Variants in H2BC12 observed in about 807,000 individuals in gnomAD.
H2BC12 encodes the protein histone H2B type 1-K.
In H2BC12, 6 loss-of-function variants were observed where a neutral mutation model predicts 6.3. The observed-to-expected ratio is 0.95, with a 90% CI of 0.52 to 1.87. The LOEUF (loss-of-function observed/expected upper bound fraction) is 1.87, where lower values mean the gene tolerates loss of function less well. Among genes scored for constraint, H2BC12 ranks in the 40% most tolerant of loss-of-function variants. The probability of loss-of-function intolerance (pLI) is 0.01; values close to 1 mark genes in which losing one functional copy is unlikely to be tolerated. For synonymous variants in H2BC12, 132 were observed against 78.5 expected (o/e 1.68, Z -3.60); for missense variants, 119 against 178.4 (o/e 0.67, Z 1.90).
At chr6:27,144,121 G>A (rs1411299621), downstream of H2BC12, among the ~76,000 whole-genome samples, 1 of 152,214 alleles carries the variant, frequency 6.6e-6, no homozygotes, top group South Asian at 2.1e-4. Flanking sequence ...TTAGCTATTT[G>A]TAAAATAACA....
At chr6:27,141,320 C>A in the H2BC12 span, among the ~76,000 whole-genome samples, 1 of 152,102 alleles carries the variant, frequency 6.6e-6, no homozygotes, top group South Asian at 2.1e-4. Flanking sequence ...AAGTGCTTTA[C>A]ATGGATTATC....
downstream of H2BC12, among the ~76,000 whole-genome samples, chr6:27,145,495 A>G (rs1760062747): frequency 6.6e-6 from 1 of 152,150 alleles, no homozygotes; most frequent in African/African-American, 2.4e-5. Flanking sequence ...CTAATCACAC[A>G]ATAAAACCCA....
chr6:27,146,553 CG>C lies in H2BC12; in HGVS notation c.245del (p.Ala82GlyfsTer50). The C allele has an allele frequency of 6.2e-7, 1 of 1,614,210 alleles. No homozygotes were observed. The highest frequency in any genetic ancestry group is 8.5e-7 in the Non-Finnish European group (1 of 1,180,042). On this transcript the variant is annotated frameshift_variant, in exon 1 of 1. Transcript: ENST00000356950. LOFTEE classifies it high-confidence loss of function. ...TGATGGTCGAGCGCTTGTTGTAATG[CG>C]CCAGGCGGGAAGCCTCACCCGCGAT... ...ERIAGEASRLAHYNKRSTITS... is the reference protein window; with the variant it reads ...ERIAGEASRLXHYNKRSTITS...
chr6:27,145,307 CACA>C (rs1221229479), downstream of H2BC12, among the ~76,000 whole-genome samples: 1 of 143,788 alleles, frequency 7.0e-6, no homozygotes, highest in Admixed American at 6.8e-5. Context: ...CACACACACA[CACA>C]CACACACACA....
the H2BC12 span, chr6:27,138,494 A>G: frequency 2.6e-5 from 4 of 152,222 alleles, no homozygotes; most frequent in Non-Finnish European, 4.4e-5. Context: ...ATTAACTTGT[A>G]AATGATTCTC....
downstream of H2BC12, chr6:27,146,322 G>T: frequency 1.9e-6 from 3 of 1,572,752 alleles, no homozygotes; most frequent in Non-Finnish European, 2.6e-6. Flanking sequence ...TTTAAGCCTG[G>T]ATTAGGAACA....
At chr6:27,142,634 TC>T (rs1283506724), downstream of H2BC12, among the ~76,000 whole-genome samples, 2 of 111,696 alleles carry the variant, frequency 1.8e-5, no homozygotes, top group African/African-American at 8.9e-5. Context: ...ATTCCCCCCC[TC>T]CTTTTTTTTT....
chr6:27,145,295 T>TACACACACACACAC (rs57882884), downstream of H2BC12, among the ~76,000 whole-genome samples: 227 of 142,716 alleles, frequency 1.6e-3, no homozygotes, highest in African/African-American at 4.9e-3. Flanking sequence ...ATATGTTAAA[T>TACACACACACACAC]ACACACACAC....
downstream of H2BC12, among the ~76,000 whole-genome samples, chr6:27,143,994 C>A (rs991893201): frequency 6.6e-6 from 1 of 151,710 alleles, no homozygotes. Context: ...AATTAATACA[C>A]GTGGCTAATG....
the H2BC12 span, among the ~76,000 whole-genome samples, chr6:27,140,569 G>A: frequency 6.6e-6 from 1 of 151,536 alleles, no homozygotes; most frequent in South Asian, 2.1e-4. Flanking sequence ...GCATTTTCTG[G>A]TTACATGGAA....
rs550725747 is a variant in H2BC12 at position 27,146,410 on chromosome 6, T to C, written c.*8A>G. On this transcript the variant is annotated 3_prime_UTR_variant, in exon 1 of 1. Coordinates refer to ENST00000356950, the MANE Select transcript of H2BC12 (RefSeq NM_001312653.2). The stretch of plus-strand genomic sequence containing the variant: ...GGGGTTGGGCTTTAAGACGCTTACT[T>C]GGCAAGTTTACTTAGCGCTGGTGTA... 1 of 1,614,256 alleles carries C rather than the reference T, an allele frequency of 6.2e-7. No individual in the cohort carries two copies. Among genetic ancestry groups the C allele is most frequent in the Admixed American group, 1.7e-5 (1 of 60,028 alleles).
chr6:27,144,460 TGGGGG>T (rs59570458), downstream of H2BC12, among the ~76,000 whole-genome samples: 11 of 17,620 alleles, frequency 6.2e-4, 1 homozygote, highest in African/African-American at 3.6e-3. Flanking sequence ...AGACTCTGTC[TGGGGG>T]GGGGGGGGGG....
downstream of H2BC12, among the ~76,000 whole-genome samples, chr6:27,144,299 T>C (rs144191555): frequency 0.025 from 3,744 of 151,044 alleles, 66 homozygotes; most frequent in Middle Eastern, 0.037. Context: ...CCATCTCTAC[T>C]AAAAATACAA....
rs763532739 is a variant in H2BC12, at chr6:27,146,541, C to T, written c.258G>A (p.Lys86=). 2.5e-6 allele frequency: 4 copies of T among 1,614,228 alleles called. No homozygotes were observed. The highest frequency in any genetic ancestry group is 3.4e-6 in the Non-Finnish European group (4 of 1,180,050). ...TCTCCCTGGAGGTGATGGTCGAGCGCTTGTTGTAATGCGCCAGGCGGGAAG... is the reference window on the plus strand; with the variant it reads ...TCTCCCTGGAGGTGATGGTCGAGCGTTTGTTGTAATGCGCCAGGCGGGAAG... ...GEASRLAHYN[K]RSTITSREIQ... The change falls in exon 1 of 1, where the codon AAG becomes AAA. Residue 86 remains lysine, a synonymous_variant. Transcript: ENST00000356950.
chr6:27,146,784 C>A lies in H2BC12; in HGVS notation c.15G>T (p.Ala5=). Residue 5 remains alanine (A), a synonymous_variant, in exon 1 of 1, where the codon GCG becomes GCT. Coordinates refer to ENST00000356950, the MANE Select transcript of H2BC12 (RefSeq NM_001312653.2). MPEP[A]KSAPAPKKGS... is the part of the protein sequence containing the mutation. ...CCTTCTTGGGCGCGGGAGCGGACTT[C>A]GCTGGTTCCGGCATGTTGAAGGCGA... is the stretch of plus-strand genomic sequence containing the variant. 6.2e-7 allele frequency: 1 copy of A among 1,614,058 alleles called. No individual in the cohort carries two copies. The highest frequency in any genetic ancestry group is 8.5e-7 in the Non-Finnish European group (1 of 1,179,986).
At chr6:27,141,060 A>C in the H2BC12 span, among the ~76,000 whole-genome samples, 5 of 152,138 alleles carry the variant, frequency 3.3e-5, no homozygotes, top group South Asian at 4.1e-4. Flanking sequence ...GAAAAAAAAA[A>C]AACAAAAAAC....
chr6:27,144,759 C>T (rs1019294848), downstream of H2BC12, among the ~76,000 whole-genome samples: 2 of 152,080 alleles, frequency 1.3e-5, no homozygotes, highest in Non-Finnish European at 2.9e-5. Context: ...GTCAGGTATA[C>T]CTGAAGGTAG....
downstream of H2BC12, among the ~76,000 whole-genome samples, chr6:27,144,758 AC>A: frequency 6.6e-6 from 1 of 152,302 alleles, no homozygotes; most frequent in African/African-American, 2.4e-5. Flanking sequence ...AGTCAGGTAT[AC>A]CTGAAGGTAG....
chr6:27,143,211 G>C (rs2021278), downstream of H2BC12, among the ~76,000 whole-genome samples: 2,068 of 152,094 alleles, frequency 0.014, 51 homozygotes, highest in African/African-American at 0.045. Flanking sequence ...AACTAGCCAG[G>C]CATGGTGGTG....
Sources: allele counts gnomAD v4.1 joint callset (sites outside exome capture counted in the v4.1 genomes callset), GRCh38; gene constraint gnomAD v4.1.1; transcripts MANE v1.5; gene names NCBI Gene and HGNC (gene_info 2026-07-23, HGNC 2026-07-21).